Variants in ANO9 observed in about 807,000 individuals in gnomAD.
ANO9 encodes anoctamin 9.
In ANO9, 80 loss-of-function variants were observed where a neutral mutation model predicts 100.5. That is an observed-to-expected ratio of 0.80 (90% confidence interval 0.66 to 0.96). The LOEUF is 0.96. Ranked by LOEUF, ANO9 falls within the 40% of genes least tolerant of loss-of-function variation. The probability of loss-of-function intolerance (pLI) is 0.00; values close to 1 mark genes in which losing one functional copy is unlikely to be tolerated. For missense variants in ANO9, 1,064 were observed against 1,072.7 expected (o/e 0.99, Z 0.11); for synonymous variants, 473 against 435.6 (o/e 1.09, Z -1.07).
intron 20 of ANO9, chr11:419,216 A>C (rs1848027409): frequency 2.1e-6 from 3 of 1,427,996 alleles, no homozygotes; most frequent in African/African-American, 1.4e-5. Flanking sequence ...CCTGCCAGAG[A>C]CTGGCCCTGG....
At chr11:434,876 C>T (rs1849326691) in intron 1 of ANO9, among the ~76,000 whole-genome samples, 1 of 152,174 alleles carries the variant, frequency 6.6e-6, no homozygotes, top group Non-Finnish European at 1.5e-5. Flanking sequence ...CTGAGGCAGT[C>T]TCCAAGCTGT....
rs1012826204 is a variant in ANO9 at position 432,290 on chromosome 11, G to A, written c.351-236C>T. The A allele has an allele frequency of 1.6e-5, 9 of 554,066 alleles. No homozygotes were observed. Among genetic ancestry groups the A allele is most frequent in the African/African-American group, 1.1e-4 (6 of 52,704 alleles). 34.3% of individuals were successfully genotyped at this position (554,066 alleles called of 1,614,324 possible). ...ACGGCGTCCAGGATGAGGCTGGGCT[G>A]GGGGCTCCTTCTCCTCCCAGCCCGT... On this transcript the variant is annotated intron_variant, in intron 4 of 22. Transcript: ENST00000332826. This position sits in a 1 kb window ranked among gnomAD's most constrained non-coding sequence, Gnocchi z 4.8.
chr11:423,493 C>T (rs1848315446), intron 15 of ANO9, among the ~76,000 whole-genome samples: 1 of 152,092 alleles, frequency 6.6e-6, no homozygotes, highest in Admixed American at 6.5e-5. Context: ...AAAACAAATT[C>T]CTTACAAGTC....
chr11:424,469 C>G (rs932901821), intron 15 of ANO9, among the ~76,000 whole-genome samples: 2 of 152,154 alleles, frequency 1.3e-5, no homozygotes, highest in Non-Finnish European at 2.9e-5. Flanking sequence ...TGTAAAATGG[C>G]AATGAGAGAA....
intron 1 of ANO9, among the ~76,000 whole-genome samples, chr11:438,541 A>G (rs1225017782): frequency 6.7e-6 from 1 of 149,674 alleles, no homozygotes; most frequent in Non-Finnish European, 1.5e-5. Context: ...GCTGCAGAAC[A>G]CTGGGCCCAC....
chr11:426,215 C>T (rs555605347), intron 15 of ANO9, among the ~76,000 whole-genome samples: 41 of 152,222 alleles, frequency 2.7e-4, no homozygotes, highest in African/African-American at 9.1e-4. Flanking sequence ...ATTAAAATGG[C>T]GACTGCAGGT....
rs377000014 is a variant in ANO9 at position 434,030 on chromosome 11, G to A, written c.75C>T (p.Thr25=). 12 of 1,550,822 alleles carry A rather than the reference G, an allele frequency of 7.7e-6. No homozygotes were observed. Among genetic ancestry groups the A allele is most frequent in the African/African-American group, 4.1e-5 (3 of 73,146 alleles). ...GDSFPLMEIS[T]CETEASEQWD... Reference sequence around the variant, plus strand: ...GGGGCCCCCGGACACCCACCTCACAGGTGCTGATCTCCATCAGCGGGAAGC... The same window carrying A: ...GGGGCCCCCGGACACCCACCTCACAAGTGCTGATCTCCATCAGCGGGAAGC... Residue 25 remains threonine, a synonymous_variant, in exon 2 of 23, where the codon ACC becomes ACT. Coordinates refer to ENST00000332826, the MANE Select transcript of ANO9 (RefSeq NM_001012302.3).
chr11:427,375 C>T (rs1848580185), intron 15 of ANO9, among the ~76,000 whole-genome samples: 1 of 152,102 alleles, frequency 6.6e-6, no homozygotes, highest in East Asian at 1.9e-4. Flanking sequence ...CTGCAGCCAG[C>T]ATCCCTCTCA....
Position 421,276 on chromosome 11 carries a change from G to A in ANO9, c.1335-78C>T, listed in dbSNP as rs1366364470. The A allele has an allele frequency of 7.2e-7, 1 of 1,394,588 alleles. No individual in the cohort carries two copies. The highest frequency in any genetic ancestry group is 1.5e-5 in the South Asian group (1 of 66,328). The allele number at this position is 1,394,588 out of a possible 1,614,324, so 86.4% of individuals were successfully genotyped here. A position where few individuals can be genotyped will look rare whatever the true frequency, so the allele number is the denominator to read the frequency against. ...AGGGTGGGTGCAGCAGGACAGAAGC[G>A]GGTAGGAAAGACACAGAACAGGCGG... On this transcript the variant is annotated intron_variant, in intron 15 of 22. Coordinates refer to ENST00000332826, the MANE Select transcript of ANO9 (RefSeq NM_001012302.3). The surrounding 1 kb of genome is among the most constrained non-coding windows in gnomAD (Gnocchi z 6.8).
At position 428,368 on chromosome 11, in the gene ANO9, A is replaced by G; in HGVS notation, c.1212T>C (p.Leu404=). The G allele has an allele frequency of 6.2e-7, 1 of 1,612,532 alleles. No individual in the cohort carries two copies. The highest frequency in any genetic ancestry group is 8.5e-7 in the Non-Finnish European group (1 of 1,179,908). Residue 404 remains leucine, a synonymous_variant, in exon 14 of 23, where the codon CTT becomes CTC. Transcript: ENST00000332826. ...GGGTAGTCCTCTCACCGAAGTCACA[A>G]AGCTTCAGGGCCACGCACCTGTTGA... The part of the protein sequence containing the change: ...TKINRCVALK[L]CDFEMPRTFS...
Position 418,887 on chromosome 11 carries a change from C to T in ANO9, c.2036+1G>A. On this transcript the variant is annotated splice_donor_variant, in intron 21 of 22. Coordinates refer to ENST00000332826, the MANE Select transcript of ANO9 (RefSeq NM_001012302.3). LOFTEE classifies it high-confidence loss of function. ...TTCTTGGGGGATGGGGAGTTCCAAA[C>T]CTGCACAGAGTCACGTTTTCTGAGC... The T allele has an allele frequency of 6.2e-7, 1 of 1,613,644 alleles. No individual in the cohort carries two copies. The highest frequency in any genetic ancestry group is 1.3e-5 in the African/African-American group (1 of 75,036).
At position 420,958 on chromosome 11, in the gene ANO9, C is replaced by G. The variant is rs1848145380; in HGVS notation, c.1477G>C (p.Glu493Gln). ...GTCGGCACTCACGGGACCAGGTACT[C>G]GACGCAGTTGCTGAGCGTCTGCTTC... is the stretch of plus-strand genomic sequence containing the variant. Reference protein sequence around the residue: ...GLKQTLSNCVEYLVPWVTHKC... With the variant: ...GLKQTLSNCVQYLVPWVTHKC... Residue 493 changes from glutamate to glutamine, a missense_variant, in exon 17 of 23, where the codon GAG becomes CAG. Transcript: ENST00000332826. 6.2e-7 allele frequency: 1 copy of G among 1,605,004 alleles called. No individual in the cohort carries two copies. Among genetic ancestry groups the G allele is most frequent in the African/African-American group, 1.3e-5 (1 of 74,740 alleles).
At chr11:437,582 C>T (rs529481619) in intron 1 of ANO9, among the ~76,000 whole-genome samples, 2 of 152,200 alleles carry the variant, frequency 1.3e-5, no homozygotes, top group African/African-American at 4.8e-5. Context: ...ACTTCTCCCC[C>T]GTCCTGGGTT....
chr11:438,503 C>A (rs1456559135), intron 1 of ANO9, among the ~76,000 whole-genome samples: 1 of 151,470 alleles, frequency 6.6e-6, no homozygotes, highest in African/African-American at 2.4e-5. Flanking sequence ...ACACACACAG[C>A]CAGACAGGCC....
In ANO9 at chr11:422,515, C is replaced by T. The variant is rs1185486194; in HGVS notation, c.1335-1317G>A. On this transcript the variant is annotated intron_variant, in intron 15 of 22. Coordinates refer to ENST00000332826, the MANE Select transcript of ANO9 (RefSeq NM_001012302.3). The surrounding 1 kb of genome is among the most constrained non-coding windows in gnomAD (Gnocchi z 4.3). The stretch of plus-strand genomic sequence containing the variant: ...AGGGAGCAGCTGGGAGCTGGCCTGA[C>T]TCAGAAGGAATCAGAAGGACTCAGG... Among the ~76,000 whole-genome samples, 1 of 152,174 alleles carries T rather than the reference C, an allele frequency of 6.6e-6. No homozygotes were observed. The highest frequency in any genetic ancestry group is 1.9e-4 in the East Asian group (1 of 5,200).
chr11:434,892 G>T (rs1320829098), intron 1 of ANO9, among the ~76,000 whole-genome samples: 2 of 152,172 alleles, frequency 1.3e-5, no homozygotes, highest in Non-Finnish European at 2.9e-5. Flanking sequence ...GCTGTCTCTG[G>T]CTGCGTCACA....
intron 11 of ANO9, chr11:429,341 G>T: frequency 9.8e-7 from 1 of 1,024,590 alleles, no homozygotes; most frequent in Non-Finnish European, 1.4e-6. Flanking sequence ...CAGACACAGC[G>T]ACACGCCTCA....
intron 9 of ANO9, 92 bp from the exon 10 acceptor site, chr11:429,910 G>A: frequency 1.6e-6 from 2 of 1,266,242 alleles, no homozygotes; most frequent in African/African-American, 1.5e-5. Flanking sequence ...GCCGGGGAAG[G>A]GGGCAGGTGG....
At chr11:437,386 A>C (rs1029839420) in intron 1 of ANO9, among the ~76,000 whole-genome samples, 9 of 152,118 alleles carry the variant, frequency 5.9e-5, no homozygotes, top group African/African-American at 2.2e-4. Flanking sequence ...CCAGTGCCAC[A>C]CTGCAGCCTC....
Sources: gnomAD v4.1 joint callset for allele counts (sites outside exome capture counted in the v4.1 genomes callset) on GRCh38, gnomAD v4.1.1 for gene constraint, Gnocchi (gnomAD v3.1) non-coding constraint, MANE v1.5 for transcripts, NCBI Gene and HGNC (gene_info 2026-07-23, HGNC 2026-07-21) for gene names.